RAD54B: variants seen among roughly 807,000 people sequenced by gnomAD.
RAD54B encodes DNA repair and recombination protein RAD54B.
A neutral mutation model predicts 95.8 loss-of-function variants in RAD54B; 78 were observed. The observed-to-expected ratio is 0.81, with a 90% CI of 0.68 to 0.98. The LOEUF (loss-of-function observed/expected upper bound fraction) is 0.98. Among genes scored for constraint, RAD54B ranks in the 50% least tolerant of loss-of-function variants. RAD54B has a pLI of 0.00. For synonymous variants in RAD54B, 328 were observed against 354.9 expected (o/e 0.92, Z 0.85); for missense variants, 957 against 1,056.6 (o/e 0.91, Z 1.31).
chr8:94,381,428 A>C (rs543678781), intron 11 of RAD54B, among the ~76,000 whole-genome samples: 32 of 152,234 alleles, frequency 2.1e-4, no homozygotes, highest in Non-Finnish European at 3.1e-4. Flanking sequence ...TTAACTGTGG[A>C]CACCAGGGAA....
chr8:94,389,791 A>C (rs1810971996), intron 10 of RAD54B, among the ~76,000 whole-genome samples: 1 of 152,234 alleles, frequency 6.6e-6, no homozygotes, highest in African/African-American at 2.4e-5. Context: ...GGCTTTTCTG[A>C]ATAAATATCA....
In RAD54B at chr8:94,380,362, T is replaced by C. The variant is rs769882901; in HGVS notation, c.2030A>G (p.Gln677Arg). ...SNYTQTLNIL[Q>R]EVCKRHGYAY... Reference sequence around the variant, plus strand: ...ATATCCATGACGCTTACATACTTCTTGTAAAATGTTCAAGGTTTGTGTATA... The same window carrying C: ...ATATCCATGACGCTTACATACTTCTCGTAAAATGTTCAAGGTTTGTGTATA... Residue 677 changes from glutamine to arginine, a missense_variant, in exon 12 of 15, where the codon CAA (glutamine) becomes CGA (arginine). Physicochemically the swap from Gln to Arg is conservative, Grantham distance 43. Coordinates refer to ENST00000336148, the MANE Select transcript of RAD54B (RefSeq NM_012415.3). The C allele has an allele frequency of 6.2e-7, 1 of 1,613,830 alleles. No homozygotes were observed. The highest frequency in any genetic ancestry group is 8.5e-7 in the Non-Finnish European group (1 of 1,179,826).
chr8:94,459,574 A>G (rs942487437), intron 2 of RAD54B, among the ~76,000 whole-genome samples: 2 of 152,020 alleles, frequency 1.3e-5, no homozygotes, highest in African/African-American at 2.4e-5. Context: ...AAGATGAAAC[A>G]AGAGGCCGGG....
At chr8:94,454,102 A>G (rs1386218701) in intron 3 of RAD54B, among the ~76,000 whole-genome samples, 1 of 151,726 alleles carries the variant, frequency 6.6e-6, no homozygotes, top group Non-Finnish European at 1.5e-5. Context: ...ACTTTTTACT[A>G]TACTCTTAAC....
chr8:94,386,950 A>G (rs372733034), intron 11 of RAD54B, 34 bp downstream of exon 11: 26 of 1,473,168 alleles, frequency 1.8e-5, no homozygotes, highest in South Asian at 5.7e-5. Flanking sequence ...CTAAAACTCT[A>G]TGAGCACTTA....
intron 6 of RAD54B, among the ~76,000 whole-genome samples, chr8:94,401,476 G>T (rs1811267630): frequency 6.6e-6 from 1 of 151,792 alleles, no homozygotes; most frequent in African/African-American, 2.4e-5. Flanking sequence ...TGGCTTTCTT[G>T]TAAAAATACA....
At chr8:94,453,461 A>G (rs1470419462) in intron 3 of RAD54B, among the ~76,000 whole-genome samples, 5 of 152,080 alleles carry the variant, frequency 3.3e-5, no homozygotes, top group African/African-American at 9.7e-5. Context: ...ACCCAGAGGC[A>G]GAGGTTGCAG....
intron 3 of RAD54B, chr8:94,428,307 C>A: frequency 1.0e-6 from 1 of 982,660 alleles, no homozygotes; most frequent in Non-Finnish European, 1.2e-6. Flanking sequence ...GCTCATGGAC[C>A]CCAAACAATT....
At chr8:94,447,855 T>C (rs1259162525) in intron 3 of RAD54B, among the ~76,000 whole-genome samples, 1 of 152,124 alleles carries the variant, frequency 6.6e-6, no homozygotes, top group Non-Finnish European at 1.5e-5. Context: ...ACAGATGGAA[T>C]AAATAGAAAG....
intron 11 of RAD54B, among the ~76,000 whole-genome samples, chr8:94,382,536 GCTC>G (rs1295719993): frequency 6.6e-6 from 1 of 152,156 alleles, no homozygotes; most frequent in Non-Finnish European, 1.5e-5. Context: ...TGTGAGATGT[GCTC>G]CAGCAAAATG....
intron 3 of RAD54B, among the ~76,000 whole-genome samples, chr8:94,424,515 C>CA (rs1182681546): frequency 6.6e-5 from 10 of 152,120 alleles, no homozygotes; most frequent in East Asian, 3.9e-4. Context: ...TGAATAATTC[C>CA]AAAAGGTAAA....
chr8:94,411,070 A>T, intron 4 of RAD54B, 51 bp downstream of exon 4: 1 of 1,343,412 alleles, frequency 7.4e-7, no homozygotes, highest in Non-Finnish European at 1.0e-6. Context: ...GTAACCGGAG[A>T]TACATACTAA....
rs191354560 is a variant in RAD54B at position 94,451,913 on chromosome 8, G to A, written c.304+6355C>T. Among the ~76,000 whole-genome samples, 14 of 152,266 alleles carry A rather than the reference G, an allele frequency of 9.2e-5. No individual in the cohort carries two copies. In the South Asian group the frequency reaches 1.7e-3, roughly 18 times the overall value. On this transcript the variant is annotated intron_variant, in intron 3 of 14. Transcript: ENST00000336148. ...TAAATTTGTTTCTGCCATAAAGGAC[G>A]TTGTCTTAGTCCATTCAGGCCGCTA...
chr8:94,399,280 G>A, intron 8 of RAD54B, 134 bp downstream of exon 8: 1 of 695,402 alleles, frequency 1.4e-6, no homozygotes, highest in African/African-American at 1.8e-5. Context: ...CCTACCAAGA[G>A]TTAATTAACA....
In RAD54B at chr8:94,430,536, CA is replaced by C. The variant is rs1043083801; in HGVS notation, c.305-19222del. The C allele has an allele frequency of 6.2e-6, 5 of 808,076 alleles. No individual in the cohort carries two copies. In the African/African-American group the frequency reaches 9.4e-5, roughly 15 times the overall value. 50.1% of individuals were successfully genotyped at this position (808,076 alleles called of 1,614,324 possible). A position where few individuals can be genotyped will look rare whatever the true frequency, so the allele number is the denominator to read the frequency against. ...TATTAAAAGAGATTGCTGACACCCC[CA>C]GGGTTTCTAATTCACTTGGAAATGG... On this transcript the variant is annotated intron_variant, in intron 3 of 14. Coordinates refer to ENST00000336148, the MANE Select transcript of RAD54B (RefSeq NM_012415.3).
chr8:94,466,744 T>C (rs1288192927), intron 2 of RAD54B, among the ~76,000 whole-genome samples: 1 of 152,092 alleles, frequency 6.6e-6, no homozygotes, highest in African/African-American at 2.4e-5. Context: ...AGAAAAAATG[T>C]TTGGAATAGT....
intron 11 of RAD54B, among the ~76,000 whole-genome samples, chr8:94,382,403 C>T (rs1365835319): frequency 6.6e-6 from 1 of 152,146 alleles, no homozygotes; most frequent in East Asian, 1.9e-4. Flanking sequence ...TAGGGGAATA[C>T]TATTTTGATC....
chr8:94,380,316 T>C lies in RAD54B; in HGVS notation c.2076A>G (p.Gly692=), dbSNP rs1397223884. 5 of 1,614,018 alleles carry C rather than the reference T, an allele frequency of 3.1e-6. No homozygotes were observed. Among genetic ancestry groups the C allele is most frequent in the East Asian group, 2.2e-5 (1 of 44,868 alleles). The change falls in exon 12 of 15, where the codon GGA becomes GGG. Residue 692 remains glycine, a synonymous_variant. Coordinates refer to ENST00000336148, the MANE Select transcript of RAD54B (RefSeq NM_012415.3). ...RHGYAYTRLD[G]QTPISQRQQI... ...GCTGCCTTTGAGAGATTGGTGTTTGTCCATCAAGTCTTGTATAAGCATATC... is the reference window on the plus strand; with the variant it reads ...GCTGCCTTTGAGAGATTGGTGTTTGCCCATCAAGTCTTGTATAAGCATATC...
intron 11 of RAD54B, among the ~76,000 whole-genome samples, chr8:94,381,787 A>C (rs1228431911): frequency 6.6e-6 from 1 of 152,174 alleles, no homozygotes; most frequent in East Asian, 1.9e-4. Context: ...TCAATATCTG[A>C]CTGACAGGAA....
Sources: allele counts gnomAD v4.1 joint callset (sites outside exome capture counted in the v4.1 genomes callset), GRCh38; gene constraint gnomAD v4.1.1; transcripts MANE v1.5; gene names NCBI Gene and HGNC (gene_info 2026-07-23, HGNC 2026-07-21).